UBFD1: variants seen among roughly 807,000 people sequenced by gnomAD.
UBFD1 encodes the protein ubiquitin family domain containing 1, also known as ubiquitin domain-containing protein UBFD1.
UBFD1 carries 12 observed loss-of-function variants against 35.1 expected under a neutral mutation model. The observed-to-expected ratio is 0.34, with a 90% CI of 0.22 to 0.55. The LOEUF is 0.55. Among genes scored for constraint, UBFD1 ranks in the 20% least tolerant of loss-of-function variants. The pLI is 0.89. For missense variants in UBFD1, 337 were observed against 410.8 expected (o/e 0.82, Z 1.55); for synonymous variants, 178 against 167.6 (o/e 1.06, Z -0.48).
chr16:23,569,275 T>C (rs1966052248), intron 6 of UBFD1: 1 of 152,182 alleles, frequency 6.6e-6, no homozygotes, highest in African/African-American at 2.4e-5. Context: ...GAAAAGAGGC[T>C]GGGCGCAGTG....
intron 6 of UBFD1, 142 bp from the exon 7 acceptor site, chr16:23,570,338 G>A (rs929968553): frequency 6.7e-5 from 44 of 654,598 alleles, no homozygotes; most frequent in Non-Finnish European, 9.4e-5. Context: ...TTGGTTGGGA[G>A]AATGCTCCCC....
chr16:23,563,799 G>T (rs1180442557), intron 5 of UBFD1, among the ~76,000 whole-genome samples: 2 of 152,210 alleles, frequency 1.3e-5, no homozygotes, highest in African/African-American at 4.8e-5. Flanking sequence ...GAAGCTCCCA[G>T]TGTGCTTTGC....
Position 23,559,486 on chromosome 16 carries a change from A to C in UBFD1, c.374A>C (p.Gln125Pro). The C allele has an allele frequency of 6.2e-7, 1 of 1,613,890 alleles. No homozygotes were observed. The highest frequency in any genetic ancestry group is 8.5e-7 in the Non-Finnish European group (1 of 1,179,980). ...HSITGLPPAM[Q>P]KVMYKGLVPE... is the part of the protein sequence containing the mutation. Reference sequence around the variant, plus strand: ...TCCCAAGGTCTCCCGCCTGCCATGCAGAAAGTCATGTATAAGGGACTCGTC... The same window carrying C: ...TCCCAAGGTCTCCCGCCTGCCATGCCGAAAGTCATGTATAAGGGACTCGTC... Residue 125 changes from glutamine to proline, a missense_variant, in exon 3 of 7, where the codon CAG (glutamine) becomes CCG (proline). Around this residue, in one of 4 missense-constraint regions of UBFD1, gnomAD observed 24 missense variants for 53.7 expected, o/e 0.45. Transcript: ENST00000395878.
At chr16:23,560,488 A>G (rs1054815900) in intron 3 of UBFD1, among the ~76,000 whole-genome samples, 8 of 152,204 alleles carry the variant, frequency 5.3e-5, no homozygotes, top group African/African-American at 1.9e-4. Context: ...AATCAACATC[A>G]TTTAGTGACC....
chr16:23,560,176 GTTTA>G lies in UBFD1; in HGVS notation c.564+508_564+511del, dbSNP rs925347939. Among the ~76,000 whole-genome samples, 68 of 152,196 alleles carry G rather than the reference GTTTA, an allele frequency of 4.5e-4. 1 individual carries two copies. Among genetic ancestry groups the G allele is most frequent in the African/African-American group, 1.5e-3 (62 of 41,536 alleles). ...GGAAGACAACTACACTGATGGATTT[GTTTA>G]TTTATTTTTTTGTCCTGATCTGTGA... On this transcript the variant is annotated intron_variant, in intron 3 of 6. Coordinates refer to ENST00000395878, the MANE Select transcript of UBFD1 (RefSeq NM_019116.3).
chr16:23,558,384 C>T (rs778293276), intron 2 of UBFD1, 105 bp downstream of exon 2: 56 of 1,392,036 alleles, frequency 4.0e-5, no homozygotes, highest in Non-Finnish European at 5.3e-5. Context: ...GTCCCCCCAT[C>T]CTTACAGCAG....
intron 3 of UBFD1, among the ~76,000 whole-genome samples, chr16:23,561,170 C>G (rs917385610): frequency 1.3e-5 from 2 of 152,104 alleles, no homozygotes; most frequent in Admixed American, 1.3e-4. Flanking sequence ...GGATATAGTC[C>G]CTTGCCTTTT....
At chr16:23,563,867 C>T (rs889588770) in intron 5 of UBFD1, among the ~76,000 whole-genome samples, 1 of 152,186 alleles carries the variant, frequency 6.6e-6, no homozygotes, top group Non-Finnish European at 1.5e-5. Context: ...TTTCCCATTC[C>T]TTGTTATTAA....
intron 6 of UBFD1, among the ~76,000 whole-genome samples, chr16:23,567,808 C>T (rs1171464218): frequency 6.6e-6 from 1 of 152,262 alleles, no homozygotes; most frequent in Non-Finnish European, 1.5e-5. Context: ...GCGGGGCCTC[C>T]GGCCATTGTT....
At chr16:23,566,451 C>G (rs919680870) in intron 5 of UBFD1, 4 of 152,192 alleles carry the variant, frequency 2.6e-5, no homozygotes, top group African/African-American at 7.2e-5. Flanking sequence ...ACTTCTGCCC[C>G]CCGGGTTCAA....
chr16:23,569,898 T>C lies in UBFD1; in HGVS notation c.820-582T>C, dbSNP rs577654650. Among the ~76,000 whole-genome samples, 70 of 152,370 alleles carry C rather than the reference T, an allele frequency of 4.6e-4. 1 individual carries two copies. The highest frequency in any genetic ancestry group is 1.5e-3 in the African/African-American group (64 of 41,590). ...GGTTCAACATAAGAATCTGTCAGTA[T>C]TAACTGTAGATCCATATGGACCCAG... is the stretch of plus-strand genomic sequence containing the variant. On this transcript the variant is annotated intron_variant, in intron 6 of 6. Transcript: ENST00000395878.
intron 6 of UBFD1, chr16:23,569,536 C>T (rs1302451249): frequency 6.6e-6 from 1 of 152,038 alleles, no homozygotes; most frequent in Non-Finnish European, 1.5e-5. Flanking sequence ...GCCTGGGCAA[C>T]AGAGAGAGAC....
intron 6 of UBFD1, chr16:23,569,000 T>C (rs150952886): frequency 1.3e-5 from 2 of 152,308 alleles, no homozygotes; most frequent in East Asian, 3.9e-4. Context: ...TGGACTGTTT[T>C]GGACGTCTTT....
intron 5 of UBFD1, among the ~76,000 whole-genome samples, chr16:23,563,078 ATTT>A (rs545287840): frequency 7.2e-6 from 1 of 139,388 alleles, no homozygotes; most frequent in African/African-American, 2.6e-5. Flanking sequence ...CACTAATCTG[ATTT>A]TTTTTTTTTT....
intron 5 of UBFD1, among the ~76,000 whole-genome samples, chr16:23,563,005 A>C (rs1012570152): frequency 6.6e-6 from 1 of 152,240 alleles, no homozygotes; most frequent in African/African-American, 2.4e-5. Context: ...CCCAAGGGCC[A>C]AATCTGGTCC....
rs3803720 is a variant in UBFD1 at position 23,571,519 on chromosome 16, A to G, written c.*929A>G. 0.095 allele frequency: 14,525 copies of G among 152,360 alleles called. 1,099 individuals are homozygous for G. Among genetic ancestry groups the G allele is most frequent in the African/African-American group, 0.21 (8,548 of 41,514 alleles). The allele number at this position is 152,360 out of a possible 1,614,324, so 9.4% of individuals were successfully genotyped here. On this transcript the variant is annotated 3_prime_UTR_variant, in exon 7 of 7. Transcript: ENST00000395878. The stretch of plus-strand genomic sequence containing the variant: ...AGCCCCAGCTCCCAAGCAGACAAAG[A>G]CCTCTTCCAGGAGGAGCCAGGTAGA...
chr16:23,573,535 A>AC lies in UBFD1; in HGVS notation c.*2945_*2946insC, dbSNP rs1425528349. On this transcript the variant is annotated 3_prime_UTR_variant, in exon 7 of 7. Transcript: ENST00000395878. ...TCTTTGGTATTAAGTGTTTGAATCCATGGTGGGCCTTTTGCAAGTAGCGTT... is the reference window on the plus strand; with the variant it reads ...TCTTTGGTATTAAGTGTTTGAATCCACTGGTGGGCCTTTTGCAAGTAGCGTT... 1 of 152,644 alleles carries AC rather than the reference A, an allele frequency of 6.6e-6. No homozygotes were observed. Among genetic ancestry groups the AC allele is most frequent in the Admixed American group, 6.5e-5 (1 of 15,280 alleles). The allele number at this position is 152,644 out of a possible 1,614,324, so 9.5% of individuals were successfully genotyped here. A position where few individuals can be genotyped will look rare whatever the true frequency, so the allele number is the denominator to read the frequency against.
intron 5 of UBFD1, chr16:23,564,232 G>T (rs1965979544): frequency 6.6e-6 from 1 of 152,186 alleles, no homozygotes; most frequent in Non-Finnish European, 1.5e-5. Flanking sequence ...ATTGGGGCAG[G>T]GGTGGTGGGA....
chr16:23,559,790 G>C, intron 3 of UBFD1, 114 bp downstream of exon 3: 5 of 1,553,114 alleles, frequency 3.2e-6, no homozygotes, highest in Non-Finnish European at 4.3e-6. Context: ...GCCCATGATG[G>C]AAATTTATGG....
Sources: allele counts gnomAD v4.1 joint callset (sites outside exome capture counted in the v4.1 genomes callset), GRCh38; gene constraint gnomAD v4.1.1; regional missense constraint gnomAD v4.1.1; transcripts MANE v1.5; gene names NCBI Gene and HGNC (gene_info 2026-07-23, HGNC 2026-07-21).